FHIT: variants seen among roughly 807,000 people sequenced by gnomAD.
The protein encoded by FHIT is fragile histidine triad diadenosine triphosphatase.
A neutral mutation model predicts 17.9 loss-of-function variants in FHIT; 19 were observed. That is an observed-to-expected ratio of 1.06 (90% CI 0.74 to 1.56). The LOEUF (loss-of-function observed/expected upper bound fraction) is 1.56. Among genes scored for constraint, FHIT ranks in the 40% most tolerant of loss-of-function variants. FHIT has a pLI of 0.00. For synonymous variants in FHIT, 81 were observed against 69.7 expected, an observed-to-expected ratio of 1.16 and a Z score of -0.81; for missense variants, 248 against 189.2, an observed-to-expected ratio of 1.31 and a Z score of -1.82.
At chr3:61,224,056 C>T (rs1485081115) in intron 1 of FHIT, among the ~76,000 whole-genome samples, 4 of 152,084 alleles carry the variant, frequency 2.6e-5, no homozygotes, top group East Asian at 1.9e-4. Context: ...ACCCCAAAAA[C>T]GTGGATGTCA....
At chr3:60,333,501 A>G (rs1216443283) in intron 5 of FHIT, among the ~76,000 whole-genome samples, 1 of 152,044 alleles carries the variant, frequency 6.6e-6, no homozygotes, top group African/African-American at 2.4e-5. Flanking sequence ...TTACAAACCA[A>G]TTGAACTTTT....
intron 5 of FHIT, among the ~76,000 whole-genome samples, chr3:60,428,226 A>G (rs572502773): frequency 7.2e-5 from 11 of 152,272 alleles, no homozygotes; most frequent in Admixed American, 2.0e-4. Context: ...TATTTTTAAT[A>G]TCTTTGGGTC....
chr3:61,017,901 T>C (rs2032202945), intron 3 of FHIT, among the ~76,000 whole-genome samples: 1 of 151,922 alleles, frequency 6.6e-6, no homozygotes, highest in Non-Finnish European at 1.5e-5. Flanking sequence ...TGGTAACAAA[T>C]CAAATTTCAA....
chr3:60,252,317 G>A (rs554268727), intron 5 of FHIT, among the ~76,000 whole-genome samples: 383 of 151,204 alleles, frequency 2.5e-3, no homozygotes, highest in African/African-American at 8.6e-3. Flanking sequence ...ACCAAAGCGG[G>A]AAAATTGCTT....
At chr3:60,334,118 C>A (rs1207432884) in intron 5 of FHIT, among the ~76,000 whole-genome samples, 1 of 152,178 alleles carries the variant, frequency 6.6e-6, no homozygotes. Context: ...TTCTATGAAA[C>A]AAATGGAAGG....
At chr3:59,751,161 T>C (rs1700874707) in intron 9 of FHIT, 1 of 179,814 alleles carries the variant, frequency 5.6e-6, no homozygotes, top group African/African-American at 2.4e-5. Context: ...GTAATTTTTT[T>C]AGTCTAGATA....
Position 59,944,534 on chromosome 3 carries a change from T to A in FHIT, c.280-22120A>T, listed in dbSNP as rs533967394. On this transcript the variant is annotated intron_variant, in intron 7 of 9. Transcript: ENST00000492590. The stretch of plus-strand genomic sequence containing the variant: ...TTTTTCTTTTTTTTTTATTTAAACT[T>A]TTATTTTAGGTTCAAGAGTTTAAGC... 1.2e-4 allele frequency among the ~76,000 whole-genome samples: 18 copies of A among 152,236 alleles called. 2 individuals carry two copies. The highest frequency in any genetic ancestry group is 1.0e-3 in the Admixed American group (16 of 15,286).
chr3:60,588,926 G>C (rs994927755), intron 4 of FHIT, among the ~76,000 whole-genome samples: 1 of 151,998 alleles, frequency 6.6e-6, no homozygotes, highest in Non-Finnish European at 1.5e-5. Flanking sequence ...TTTAGCTCCA[G>C]GAAAAATTGG....
rs573217971 is a variant in FHIT at position 60,873,743 on chromosome 3, A to C, written c.-110-51732T>G. ...ACAAGCACTGTTTAAAATTCTAAGT[A>C]GTAATCTTATAATTTGCTAATGGAA... On this transcript the variant is annotated intron_variant, in intron 3 of 9. Transcript: ENST00000492590. 3.3e-4 allele frequency among the ~76,000 whole-genome samples: 51 copies of C among 152,346 alleles called. 1 individual carries two copies. Among genetic ancestry groups the C allele is most frequent in the Middle Eastern group, 6.8e-3 (2 of 294 alleles).
chr3:59,911,457 G>C (rs1236715595), intron 8 of FHIT, among the ~76,000 whole-genome samples: 1 of 152,162 alleles, frequency 6.6e-6, no homozygotes, highest in Non-Finnish European at 1.5e-5. Flanking sequence ...GAGAGTACTG[G>C]TGGGCCTTTT....
intron 5 of FHIT, among the ~76,000 whole-genome samples, chr3:60,452,750 T>G (rs549318109): frequency 4.8e-4 from 73 of 152,312 alleles, no homozygotes; most frequent in Non-Finnish European, 9.1e-4. Context: ...CCTGAAGAGT[T>G]AGCACATATT....
At chr3:61,054,981 C>A (rs2034166295) in intron 2 of FHIT, among the ~76,000 whole-genome samples, 1 of 152,184 alleles carries the variant, frequency 6.6e-6, no homozygotes, top group African/African-American at 2.4e-5. Flanking sequence ...CAACGTTATA[C>A]CTCAAGGAGA....
At chr3:60,730,817 G>T (rs971817108) in intron 4 of FHIT, among the ~76,000 whole-genome samples, 1 of 152,152 alleles carries the variant, frequency 6.6e-6, no homozygotes, top group Non-Finnish European at 1.5e-5. Context: ...GAAGTCTAGT[G>T]TTAAGAAAAA....
At chr3:60,281,618 C>CA (rs71627529) in intron 5 of FHIT, among the ~76,000 whole-genome samples, 1,977 of 92,246 alleles carry the variant, frequency 0.021, 41 homozygotes, top group African/African-American at 0.056. Context: ...ATCCATATGC[C>CA]AAAAAAAAAA....
At chr3:60,912,733 G>C (rs1385997298) in intron 3 of FHIT, 6 of 515,498 alleles carry the variant, frequency 1.2e-5, no homozygotes, top group Non-Finnish European at 2.3e-5. Context: ...CCTTCCATTA[G>C]TTCCCCCATA....
intron 5 of FHIT, among the ~76,000 whole-genome samples, chr3:60,388,600 A>C (rs990154723): frequency 6.6e-6 from 1 of 152,142 alleles, no homozygotes; most frequent in Non-Finnish European, 1.5e-5. Context: ...CAATCTCCAA[A>C]CAAAACGAAA....
At chr3:60,983,121 A>G (rs1710561749) in intron 3 of FHIT, among the ~76,000 whole-genome samples, 1 of 144,538 alleles carries the variant, frequency 6.9e-6, no homozygotes, top group South Asian at 2.2e-4. Flanking sequence ...TCTCAATCCG[A>G]TTTACCTTCT....
intron 1 of FHIT, among the ~76,000 whole-genome samples, chr3:61,205,398 C>A (rs1163006001): frequency 6.6e-6 from 1 of 152,194 alleles, no homozygotes; most frequent in Non-Finnish European, 1.5e-5. Context: ...AATCGCCACA[C>A]TGACTTCCAC....
chr3:60,744,269 A>AAAAAAAAAAAAAAC (rs2042306728), intron 4 of FHIT, among the ~76,000 whole-genome samples: 2 of 16,050 alleles, frequency 1.2e-4, no homozygotes, highest in Admixed American at 5.3e-4. Flanking sequence ...AAAACAAAAC[A>AAAAAAAAAAAAAAC]AAAAAAAAAA....
Sources: gnomAD v4.1 joint callset for allele counts (sites outside exome capture counted in the v4.1 genomes callset) on GRCh38, gnomAD v4.1.1 for gene constraint, MANE v1.5 for transcripts, NCBI Gene and HGNC (gene_info 2026-07-23, HGNC 2026-07-21) for gene names.